The following SNAPC5 variants were observed in gnomAD, a reference collection of about 807,000 sequenced individuals.
The protein encoded by SNAPC5 is small nuclear RNA activating complex polypeptide 5, also known as snRNA-activating protein complex subunit 5.
In SNAPC5, 12 loss-of-function variants were observed where a neutral mutation model predicts 9.1. The observed-to-expected ratio is 1.32, with a 90% confidence interval of 0.85 to 2.15. The LOEUF is 2.15. Among genes scored for constraint, SNAPC5 ranks in the 30% most tolerant of loss-of-function variants. The pLI, the probability that SNAPC5 is intolerant of heterozygous loss-of-function variation, is 0.00. For missense variants in SNAPC5, 132 were observed against 114.4 expected, an observed-to-expected ratio of 1.15 and a Z score of -0.70; for synonymous variants, 52 against 47.3, an observed-to-expected ratio of 1.10 and a Z score of -0.41.
downstream of SNAPC5, chr15:66,490,519 G>T (rs1414843735): frequency 6.2e-7 from 1 of 1,613,662 alleles, no homozygotes; most frequent in African/African-American, 1.3e-5. Flanking sequence ...CTTTTATCAA[G>T]AGATCTGATG....
downstream of SNAPC5, chr15:66,490,012 A>T: frequency 1.7e-6 from 1 of 592,386 alleles, no homozygotes; most frequent in South Asian, 2.0e-5. Context: ...ATGGGAAAGA[A>T]AAGGCCAGCC....
downstream of SNAPC5, chr15:66,491,402 G>A (rs962696082): frequency 4.3e-6 from 1 of 230,670 alleles, no homozygotes; most frequent in Non-Finnish European, 8.6e-6. Flanking sequence ...CCATATCCAA[G>A]TACCAATGCT....
rs756715044 is a variant in SNAPC5, at chr15:66,495,409, A to T, written c.101T>A (p.Leu34Ter). ...DQLNRLKVEELALQSMISSRR... is the reference protein window; with the variant it reads ...DQLNRLKVEE The stretch of plus-strand genomic sequence containing the variant: ...AGAACTGATCATTGATTGGAGGGCT[A>T]ATTCTTCAACCTAGAAAAGAAGAGT... The change falls in exon 2 of 3, where the codon TTA becomes TAA. Residue 34 changes from leucine to a stop codon, truncating the protein, a stop_gained. Coordinates refer to ENST00000316634, the MANE Select transcript of SNAPC5 (RefSeq NM_001329615.2). LOFTEE classifies it high-confidence loss of function. 7.5e-6 allele frequency: 12 copies of T among 1,597,648 alleles called. No individual in the cohort carries two copies. In the Admixed American group the frequency reaches 2.0e-4, roughly 27 times the overall value.
downstream of SNAPC5, chr15:66,490,256 T>C (rs1230455522): frequency 1.6e-6 from 1 of 634,670 alleles, no homozygotes; most frequent in African/African-American, 1.8e-5. Context: ...AAGGCAGAGT[T>C]ACTGTCTCCA....
downstream of SNAPC5, among the ~76,000 whole-genome samples, chr15:66,492,541 T>G (rs1230271510): frequency 1.3e-5 from 2 of 152,206 alleles, no homozygotes; most frequent in Non-Finnish European, 2.9e-5. Flanking sequence ...TTACACTGTG[T>G]GTCTTTTACA....
rs768499654 is a variant in SNAPC5 at position 66,494,478 on chromosome 15, C to T, written c.255G>A (p.Thr85=). Reference sequence around the variant, plus strand: ...CTTCCTCTTCCTCCTCCTCCTCTTCCGTCACATGACTCTTTGTGCTCAGCT... The same window carrying T: ...CTTCCTCTTCCTCCTCCTCCTCTTCTGTCACATGACTCTTTGTGCTCAGCT... ...TLELSTKSHV[T]EEEEEEEEEE... The change falls in exon 3 of 3, where the codon ACG becomes ACA. Residue 85 remains threonine (T), a synonymous_variant. Coordinates refer to ENST00000316634, the MANE Select transcript of SNAPC5 (RefSeq NM_001329615.2). 3.0e-5 allele frequency: 48 copies of T among 1,613,758 alleles called. No homozygotes were observed. Among genetic ancestry groups the T allele is most frequent in the Non-Finnish European group, 3.8e-5 (45 of 1,179,978 alleles).
In SNAPC5 at chr15:66,497,631, C is replaced by G. The variant is rs1567032285; in HGVS notation, c.90+11G>C. 1.2e-6 allele frequency: 2 copies of G among 1,613,186 alleles called. No homozygotes were observed. Among genetic ancestry groups the G allele is most frequent in the African/African-American group, 2.7e-5 (2 of 74,922 alleles). ...GAATGGAGGAGGGGCAGGAGAGGGCCGCGGGGTCACCTTGAGGCGGTTCAG... is the reference window on the plus strand; with the variant it reads ...GAATGGAGGAGGGGCAGGAGAGGGCGGCGGGGTCACCTTGAGGCGGTTCAG... On this transcript the variant is annotated intron_variant, in intron 1 of 2. Transcript: ENST00000316634.
At chr15:66,494,647 A>G (rs938787974) in intron 2 of SNAPC5, 95 bp from the exon 3 acceptor site, 25 of 849,680 alleles carry the variant, frequency 2.9e-5, no homozygotes, top group Non-Finnish European at 4.1e-5. Flanking sequence ...TCTCAATTGC[A>G]TATCTATCCC....
At chr15:66,497,596 C>A (rs779779947) in intron 1 of SNAPC5, 46 bp downstream of exon 1, 11 of 1,557,886 alleles carry the variant, frequency 7.1e-6, no homozygotes, top group East Asian at 6.7e-5. Flanking sequence ...GGGAAATGGT[C>A]GCTCGGGAGG....
downstream of SNAPC5, among the ~76,000 whole-genome samples, chr15:66,492,663 C>T (rs893085839): frequency 2.0e-5 from 3 of 152,034 alleles, no homozygotes; most frequent in African/African-American, 7.2e-5. Flanking sequence ...CACTTTCATG[C>T]TCAGTGTCTT....
intron 1 of SNAPC5, 148 bp downstream of exon 1, chr15:66,497,494 T>G (rs1489074500): frequency 4.1e-6 from 3 of 738,752 alleles, no homozygotes; most frequent in Non-Finnish European, 7.4e-6. Context: ...AGATACCTGT[T>G]TGTTTGTAAA....
downstream of SNAPC5, chr15:66,490,556 C>T (rs752538915): frequency 3.1e-6 from 5 of 1,614,066 alleles, no homozygotes; most frequent in Non-Finnish European, 4.2e-6. Context: ...TGCAGGTTGG[C>T]TCTGCTCCAC....
chr15:66,494,764 T>G (rs538953393), intron 2 of SNAPC5: 2 of 492,816 alleles, frequency 4.1e-6, no homozygotes, highest in South Asian at 5.8e-5. Context: ...TGTTACCTCA[T>G]TTACAAACAT....
rs1567032292 is a variant in SNAPC5, at chr15:66,497,633, CG to C, written c.90+8del. ...ATGGAGGAGGGGCAGGAGAGGGCCGCGGGGTCACCTTGAGGCGGTTCAGCTG... is the reference window on the plus strand; with the variant it reads ...ATGGAGGAGGGGCAGGAGAGGGCCGCGGGTCACCTTGAGGCGGTTCAGCTG... On this transcript the variant is annotated splice_region_variant and intron_variant, in intron 1 of 2. Coordinates refer to ENST00000316634, the MANE Select transcript of SNAPC5 (RefSeq NM_001329615.2). 1 of 1,613,360 alleles carries C rather than the reference CG, an allele frequency of 6.2e-7. No homozygotes were observed. Among genetic ancestry groups the C allele is most frequent in the South Asian group, 1.1e-5 (1 of 91,074 alleles).
At chr15:66,495,463 G>A in intron 1 of SNAPC5, 44 bp from the exon 2 acceptor site, 1 of 1,075,592 alleles carries the variant, frequency 9.3e-7, no homozygotes, top group Non-Finnish European at 1.5e-6. Flanking sequence ...CTATTTCACT[G>A]GACTACTGAT....
At chr15:66,494,607 G>A in intron 2 of SNAPC5, 55 bp from the exon 3 acceptor site, 1 of 1,243,604 alleles carries the variant, frequency 8.0e-7, no homozygotes, top group East Asian at 2.3e-5. Context: ...CCTCAAAACA[G>A]CAAATTCTTA....
At chr15:66,496,773 T>C (rs1893452209) in intron 1 of SNAPC5, among the ~76,000 whole-genome samples, 1 of 151,938 alleles carries the variant, frequency 6.6e-6, no homozygotes, top group African/African-American at 2.4e-5. Context: ...GGCTGATCGC[T>C]TGAGCTCAGG....
In SNAPC5 at chr15:66,497,689, G is replaced by A. The variant is rs776614800; in HGVS notation, c.43C>T (p.Leu15=). Residue 15 remains leucine (L), a synonymous_variant, in exon 1 of 3, where the codon CTG becomes TTG. Transcript: ENST00000316634. ...LQELRKEEET[L]LRLKAALHDQ... is the part of the protein sequence containing the mutation. ...TGCAGGGCTGCCTTCAACCGCAGCAGCGTCTCCTCCTCCTTGCGCAGTTCC... is the reference window on the plus strand; with the variant it reads ...TGCAGGGCTGCCTTCAACCGCAGCAACGTCTCCTCCTCCTTGCGCAGTTCC... 38 of 1,613,822 alleles carry A rather than the reference G, an allele frequency of 2.4e-5. No homozygotes were observed. The highest frequency in any genetic ancestry group is 3.1e-5 in the Non-Finnish European group (37 of 1,180,028).
Position 66,494,560 on chromosome 15 carries a change from G to A in SNAPC5, c.181-8C>T. On this transcript the variant is annotated splice_region_variant and splice_polypyrimidine_tract_variant and intron_variant, in intron 2 of 2. Coordinates refer to ENST00000316634, the MANE Select transcript of SNAPC5 (RefSeq NM_001329615.2). ...GTCTACATGCACCAACATCTGTATT[G>A]GCCAAGGGCATCACAGATTAGCAGG... is the stretch of plus-strand genomic sequence containing the variant. 6.3e-7 allele frequency: 1 copy of A among 1,593,422 alleles called. No individual in the cohort carries two copies. Among genetic ancestry groups the A allele is most frequent in the Non-Finnish European group, 8.6e-7 (1 of 1,162,542 alleles).
Sources: allele counts gnomAD v4.1 joint callset (sites outside exome capture counted in the v4.1 genomes callset), GRCh38; gene constraint gnomAD v4.1.1; transcripts MANE v1.5; gene names NCBI Gene and HGNC (gene_info 2026-07-23, HGNC 2026-07-21).